SNTG1: variants seen among roughly 807,000 people sequenced by gnomAD.
The protein encoded by SNTG1 is syntrophin gamma 1.
In SNTG1, 39 loss-of-function variants were observed where a neutral mutation model predicts 74.7. The ratio of observed to expected loss-of-function variants is 0.52; its 90% CI spans 0.40 to 0.68. SNTG1 has a LOEUF of 0.68. SNTG1 is among the 30% of genes least tolerant of loss of function. The pLI, the probability that SNTG1 is intolerant of heterozygous loss-of-function variation, is 0.00. For synonymous variants in SNTG1, 254 were observed against 217.1 expected (o/e 1.17, Z -1.49); for missense variants, 685 against 609.5 (o/e 1.12, Z -1.30).
At chr8:50,667,957 A>T (rs1363198907) in intron 15 of SNTG1, among the ~76,000 whole-genome samples, 1 of 151,916 alleles carries the variant, frequency 6.6e-6, no homozygotes, top group African/African-American at 2.4e-5. Context: ...GGTGATTTTT[A>T]AAAAACGTTA....
intron 2 of SNTG1, among the ~76,000 whole-genome samples, chr8:50,190,973 A>G (rs1026572365): frequency 2.6e-5 from 4 of 152,164 alleles, no homozygotes; most frequent in African/African-American, 9.7e-5. Context: ...TCATTGCCAT[A>G]AATTATGCCG....
At chr8:50,192,603 G>T (rs981753128) in intron 2 of SNTG1, among the ~76,000 whole-genome samples, 1 of 151,834 alleles carries the variant, frequency 6.6e-6, no homozygotes, top group Non-Finnish European at 1.5e-5. Flanking sequence ...TCTGTGGGTT[G>T]TCTGTTTATT....
chr8:50,507,097 TGC>T (rs1314839370), intron 9 of SNTG1, among the ~76,000 whole-genome samples: 1 of 152,088 alleles, frequency 6.6e-6, no homozygotes, highest in Non-Finnish European at 1.5e-5. Flanking sequence ...TTTTTTTTTC[TGC>T]CATTCTGTTA....
chr8:50,557,360 T>C (rs1271932447), intron 12 of SNTG1, among the ~76,000 whole-genome samples: 1 of 152,236 alleles, frequency 6.6e-6, no homozygotes, highest in Non-Finnish European at 1.5e-5. Context: ...TAGGGAACTG[T>C]ATTAGTTTCC....
chr8:50,119,555 TG>T (rs1167625884), intron 1 of SNTG1, among the ~76,000 whole-genome samples: 1 of 142,168 alleles, frequency 7.0e-6, no homozygotes, highest in African/African-American at 2.5e-5. Context: ...CAACAAATCC[TG>T]GTTCAACTAA....
At chr8:50,354,525 C>A (rs2131025632) in intron 2 of SNTG1, among the ~76,000 whole-genome samples, 1 of 152,206 alleles carries the variant, frequency 6.6e-6, no homozygotes, top group African/African-American at 2.4e-5. Flanking sequence ...TGTATTGTTT[C>A]ATGTTGCCCT....
intron 5 of SNTG1, among the ~76,000 whole-genome samples, chr8:50,440,368 T>C (rs759464571): frequency 3.3e-5 from 5 of 152,094 alleles, no homozygotes; most frequent in Non-Finnish European, 7.4e-5. Context: ...TTCTATTTTT[T>C]AAACTATCTT....
At position 50,744,817 on chromosome 8, in the gene SNTG1, A is replaced by G. The variant is rs571535871; in HGVS notation, c.1285-7184A>G. The stretch of plus-strand genomic sequence containing the variant: ...GAGGAAAGAGCAGTGTTTTCAACTA[A>G]TGGTGTTTGTTAGTAAAACAAAATA... On this transcript the variant is annotated intron_variant, in intron 17 of 18. Coordinates refer to ENST00000642720, the MANE Select transcript of SNTG1 (RefSeq NM_018967.5). Among the ~76,000 whole-genome samples the G allele has an allele frequency of 2.0e-5, 3 of 152,082 alleles. No homozygotes were observed. The East Asian group carries it at 5.9e-4, about 30-fold the overall frequency.
At chr8:50,200,553 C>A (rs959595489) in intron 2 of SNTG1, among the ~76,000 whole-genome samples, 1 of 152,222 alleles carries the variant, frequency 6.6e-6, no homozygotes, top group South Asian at 2.1e-4. Flanking sequence ...TAAAATCTGG[C>A]CTGTTCCATC....
intron 2 of SNTG1, among the ~76,000 whole-genome samples, chr8:50,288,347 A>T (rs993773177): frequency 1.3e-5 from 2 of 152,304 alleles, no homozygotes; most frequent in African/African-American, 4.8e-5. Context: ...AAAAAATTAA[A>T]TATTTCTAAA....
chr8:50,169,884 T>C (rs1052465439), intron 1 of SNTG1, among the ~76,000 whole-genome samples: 4 of 152,104 alleles, frequency 2.6e-5, no homozygotes, highest in African/African-American at 9.7e-5. Flanking sequence ...GAGGCTGCAG[T>C]GAGTTATGCA....
intron 8 of SNTG1, among the ~76,000 whole-genome samples, chr8:50,494,174 CACAT>C (rs959907401): frequency 2.0e-5 from 3 of 151,526 alleles, no homozygotes; most frequent in African/African-American, 7.3e-5. Flanking sequence ...TGTACACACA[CACAT>C]ACAACTTGTT....
At chr8:50,413,818 A>C (rs1029386313) in intron 4 of SNTG1, among the ~76,000 whole-genome samples, 2 of 152,078 alleles carry the variant, frequency 1.3e-5, no homozygotes, top group Non-Finnish European at 2.9e-5. Flanking sequence ...TCAGTTCACT[A>C]TCTCTCTCTT....
intron 1 of SNTG1, among the ~76,000 whole-genome samples, chr8:50,081,579 C>T (rs547585977): frequency 1.3e-5 from 2 of 152,086 alleles, no homozygotes; most frequent in Non-Finnish European, 2.9e-5. Flanking sequence ...TATATGGTGT[C>T]TTCCCACAGG....
chr8:50,700,045 A>C (rs753214666), intron 15 of SNTG1, among the ~76,000 whole-genome samples: 4 of 152,182 alleles, frequency 2.6e-5, no homozygotes, highest in African/African-American at 4.8e-5. Context: ...TCAAGACAGA[A>C]TTCTGAAGCT....
chr8:50,537,003 C>T (rs1469360180), intron 11 of SNTG1, among the ~76,000 whole-genome samples, 195 bp downstream of exon 11: 1 of 152,230 alleles, frequency 6.6e-6, no homozygotes, highest in South Asian at 2.1e-4. Flanking sequence ...AAAGCCCTGA[C>T]TCTGCTATTA....
chr8:50,323,792 A>G (rs951557519), intron 2 of SNTG1, among the ~76,000 whole-genome samples: 8 of 152,168 alleles, frequency 5.3e-5, no homozygotes, highest in Non-Finnish European at 8.8e-5. Context: ...TCAGGGTGGC[A>G]AGATCCCCAG....
intron 2 of SNTG1, among the ~76,000 whole-genome samples, chr8:50,211,813 A>G (rs1276003429): frequency 6.6e-6 from 1 of 152,164 alleles, no homozygotes; most frequent in Non-Finnish European, 1.5e-5. Context: ...ACAGTATCTG[A>G]CACTCAAGTT....
chr8:50,370,087 T>A (rs2092233051), intron 2 of SNTG1, among the ~76,000 whole-genome samples: 1 of 152,182 alleles, frequency 6.6e-6, no homozygotes, highest in African/African-American at 2.4e-5. Flanking sequence ...TGAGCATTTT[T>A]GGCAAACTAA....
Sources: allele counts gnomAD v4.1 joint callset (sites outside exome capture counted in the v4.1 genomes callset), GRCh38; gene constraint gnomAD v4.1.1; transcripts MANE v1.5; gene names NCBI Gene and HGNC (gene_info 2026-07-23, HGNC 2026-07-21).